The following PTK2B variants were observed in gnomAD, a reference collection of about 807,000 sequenced individuals.
PTK2B encodes the protein protein-tyrosine kinase 2-beta.
Under a neutral mutation model 142.9 loss-of-function variants are expected in PTK2B, and 71 were observed. The ratio of observed to expected loss-of-function variants is 0.50; its 90% CI spans 0.41 to 0.61. The LOEUF (loss-of-function observed/expected upper bound fraction) is 0.61, where lower values mean the gene tolerates loss of function less well. PTK2B is among the 20% of genes least tolerant of loss of function. The pLI, the probability that PTK2B is intolerant of heterozygous loss-of-function variation, is 0.00. For missense variants in PTK2B, 1,105 were observed against 1,320.4 expected (o/e 0.84, Z 2.53); for synonymous variants, 519 against 503.4 (o/e 1.03, Z -0.42).
Position 27,440,353 on chromosome 8 carries a change from C to T in PTK2B, c.1951C>T (p.Pro651Ser). The change falls in exon 21 of 31, where the codon CCA becomes TCA. Residue 651 changes from proline (P) to serine (S), a missense_variant. Pro to Ser is a moderately conservative substitution (Grantham distance 74). Coordinates refer to ENST00000346049, the MANE Select transcript of PTK2B (RefSeq NM_173176.3). ...CCGGCTGCCCAAGCCTGATCTCTGT[C>T]CACCGGTCCTTTATACCCTCATGAC... Reference protein sequence around the residue: ...GDRLPKPDLCPPVLYTLMTRC... With the variant: ...GDRLPKPDLCSPVLYTLMTRC... 6.2e-7 allele frequency: 1 copy of T among 1,614,226 alleles called. No homozygotes were observed. The highest frequency in any genetic ancestry group is 8.5e-7 in the Non-Finnish European group (1 of 1,180,042).
intron 1 of PTK2B, among the ~76,000 whole-genome samples, chr8:27,392,283 G>A (rs931347808): frequency 6.6e-6 from 1 of 151,494 alleles, no homozygotes; most frequent in African/African-American, 2.4e-5. Flanking sequence ...TTTACACTAC[G>A]GAAATTGGCA....
chr8:27,416,394 C>T (rs57115094), intron 2 of PTK2B, among the ~76,000 whole-genome samples: 9,950 of 152,068 alleles, frequency 0.065, 368 homozygotes, highest in South Asian at 0.096. Flanking sequence ...TGATTTTTGA[C>T]AAAGAAAAGC....
At chr8:27,395,041 C>G (rs112808202) in intron 1 of PTK2B, among the ~76,000 whole-genome samples, 1 of 151,908 alleles carries the variant, frequency 6.6e-6, no homozygotes, top group Non-Finnish European at 1.5e-5. Flanking sequence ...CCCTGAAGGA[C>G]CTGGCTGAGG....
intron 10 of PTK2B, among the ~76,000 whole-genome samples, chr8:27,432,980 C>T (rs192223342): frequency 5.3e-4 from 80 of 152,294 alleles, no homozygotes; most frequent in Admixed American, 1.7e-3. Context: ...GTGCATGCCA[C>T]AAGGCCCAAC....
At chr8:27,430,737 C>A in intron 7 of PTK2B, 139 bp from the exon 8 acceptor site, 1 of 1,271,842 alleles carries the variant, frequency 7.9e-7, no homozygotes, top group Non-Finnish European at 1.1e-6. Flanking sequence ...GGTTTTAGGT[C>A]ATAGATCACA....
chr8:27,451,799 C>G (rs931006906), intron 27 of PTK2B: 5 of 1,293,656 alleles, frequency 3.9e-6, no homozygotes, highest in Admixed American at 3.8e-5. Flanking sequence ...TGGAAATTCT[C>G]TCTTCCTCAT....
intron 27 of PTK2B, chr8:27,452,445 G>C (rs560495964): frequency 5.3e-5 from 8 of 152,108 alleles, no homozygotes; most frequent in Admixed American, 4.6e-4. Context: ...ATGCATGCCT[G>C]CAAGCCCAGC....
At chr8:27,334,313 C>G (rs2129651221) in intron 1 of PTK2B, among the ~76,000 whole-genome samples, 1 of 152,296 alleles carries the variant, frequency 6.6e-6, no homozygotes, top group South Asian at 2.1e-4. Context: ...CAACCTTGAT[C>G]TGCTCTTCTA....
intron 2 of PTK2B, among the ~76,000 whole-genome samples, chr8:27,409,557 T>C (rs1015829491): frequency 5.3e-5 from 8 of 152,042 alleles, no homozygotes; most frequent in Non-Finnish European, 1.0e-4. Flanking sequence ...GGAAAGAACA[T>C]GTGGGAAAAA....
Position 27,431,034 on chromosome 8 carries a change from T to C in PTK2B, c.810+18T>C. 6.2e-7 allele frequency: 1 copy of C among 1,605,978 alleles called. No homozygotes were observed. Among genetic ancestry groups the C allele is most frequent in the Non-Finnish European group, 8.5e-7 (1 of 1,174,688 alleles). On this transcript the variant is annotated intron_variant, in intron 8 of 30. Transcript: ENST00000346049. ...AACTCATTGTAATGGCGGGCTCTCT[T>C]GATCCTCTCCCTGACCTGGATTCCA...
intron 1 of PTK2B, among the ~76,000 whole-genome samples, chr8:27,338,198 A>C (rs980821442): frequency 6.6e-6 from 1 of 152,198 alleles, no homozygotes; most frequent in Non-Finnish European, 1.5e-5. Context: ...AATCCTTTAC[A>C]AAGTATTTAT....
upstream of PTK2B, among the ~76,000 whole-genome samples, chr8:27,320,728 A>C (rs1219392450): frequency 6.6e-6 from 1 of 152,116 alleles, no homozygotes; most frequent in Non-Finnish European, 1.5e-5. Flanking sequence ...AACCTCTGCA[A>C]CTTCAGCTCT....
chr8:27,431,134 G>C lies in PTK2B; in HGVS notation c.810+118G>C, dbSNP rs878973081. ...CTGCAGATTCTCACTCAGGCAGCAG[G>C]ACCTCGCTGACCTGCCGTCGGTGGA... On this transcript the variant is annotated intron_variant, in intron 8 of 30. Coordinates refer to ENST00000346049, the MANE Select transcript of PTK2B (RefSeq NM_173176.3). The C allele has an allele frequency of 8.7e-6, 13 of 1,495,656 alleles. No individual in the cohort carries two copies. The South Asian group carries it at 1.7e-4, about 19-fold the overall frequency. 92.6% of individuals were successfully genotyped at this position (1,495,656 alleles called of 1,614,324 possible).
At chr8:27,423,011 G>C (rs894097890) in intron 5 of PTK2B, among the ~76,000 whole-genome samples, 3 of 152,138 alleles carry the variant, frequency 2.0e-5, no homozygotes, top group Non-Finnish European at 2.9e-5. Flanking sequence ...AGAGAACAGG[G>C]GTCAGGGGAG....
chr8:27,401,017 T>TAATCCCAGCTACTCAGGAGGCTG (rs1414749620), intron 2 of PTK2B, among the ~76,000 whole-genome samples: 3 of 152,154 alleles, frequency 2.0e-5, no homozygotes, highest in African/African-American at 7.2e-5. Context: ...TGTGCACCTG[T>TAATCCCAGCTACTCAGGAGGCTG]AATCCCAGCT....
chr8:27,458,761 G>T lies in PTK2B; in HGVS notation c.*252G>T, dbSNP rs1263930936. 5.4e-6 allele frequency: 3 copies of T among 557,040 alleles called. No individual in the cohort carries two copies. The highest frequency in any genetic ancestry group is 9.7e-6 in the Non-Finnish European group (3 of 309,472). 34.5% of individuals were successfully genotyped at this position (557,040 alleles called of 1,614,324 possible). ...GATGGCTCAGAGGGGGACTGCTGCTGCCTGGCCACTGCTCCCTAAGCCAGC... is the reference window on the plus strand; with the variant it reads ...GATGGCTCAGAGGGGGACTGCTGCTTCCTGGCCACTGCTCCCTAAGCCAGC... On this transcript the variant is annotated 3_prime_UTR_variant, in exon 31 of 31. Coordinates refer to ENST00000346049, the MANE Select transcript of PTK2B (RefSeq NM_173176.3).
intron 11 of PTK2B, 122 bp downstream of exon 11, chr8:27,433,674 G>T: frequency 1.1e-6 from 1 of 878,476 alleles, no homozygotes. Flanking sequence ...TTCCCCCACA[G>T]CCCAGCGGGA....
chr8:27,360,852 G>C (rs534683713), intron 1 of PTK2B, among the ~76,000 whole-genome samples: 73 of 152,322 alleles, frequency 4.8e-4, no homozygotes, highest in African/African-American at 1.5e-3. Flanking sequence ...TCTCCTTCCA[G>C]ATGACAACCA....
At chr8:27,310,870 G>A (rs779078557), upstream of PTK2B, 2 of 1,611,912 alleles carry the variant, frequency 1.2e-6, no homozygotes, top group South Asian at 1.1e-5. Flanking sequence ...CGGCCTGGCA[G>A]GAGCAGCACA....
Sources: allele counts gnomAD v4.1 joint callset (sites outside exome capture counted in the v4.1 genomes callset), GRCh38; gene constraint gnomAD v4.1.1; transcripts MANE v1.5; gene names NCBI Gene and HGNC (gene_info 2026-07-23, HGNC 2026-07-21).